The following VPS13D variants were observed in gnomAD, a reference collection of about 807,000 sequenced individuals.
VPS13D encodes vacuolar protein sorting 13 homolog D.
In VPS13D, 187 loss-of-function variants were observed where a neutral mutation model predicts 461.9. The ratio of observed to expected loss-of-function variants is 0.40; its 90% CI spans 0.36 to 0.46. The LOEUF is 0.46. VPS13D is among the 20% of genes least tolerant of loss of function. The pLI is 0.60. For missense variants in VPS13D, 4,711 were observed against 5,364.9 expected (o/e 0.88, Z 3.81); for synonymous variants, 1,951 against 1,986.3 (o/e 0.98, Z 0.47).
chr1:12,269,415 G>C (rs954807322), intron 16 of VPS13D, among the ~76,000 whole-genome samples: 3 of 152,212 alleles, frequency 2.0e-5, no homozygotes, highest in African/African-American at 7.2e-5. Flanking sequence ...TGTTCAGCCA[G>C]AATTGTAACT....
chr1:12,362,378 G>T (rs1334459453), intron 50 of VPS13D, among the ~76,000 whole-genome samples: 1 of 152,190 alleles, frequency 6.6e-6, no homozygotes, highest in Non-Finnish European at 1.5e-5. Context: ...TGAAACTGTT[G>T]TAAGTATTCA....
At chr1:12,388,815 A>G (rs1326592006) in intron 60 of VPS13D, among the ~76,000 whole-genome samples, 1 of 152,236 alleles carries the variant, frequency 6.6e-6, no homozygotes, top group Non-Finnish European at 1.5e-5. Flanking sequence ...AACACACATT[A>G]AGGATAAAGA....
chr1:12,413,716 C>T (rs1644760485), intron 63 of VPS13D, among the ~76,000 whole-genome samples: 1 of 152,118 alleles, frequency 6.6e-6, no homozygotes, highest in Non-Finnish European at 1.5e-5. Flanking sequence ...AAGCGATCCT[C>T]CCACCTCAGC....
chr1:12,430,976 T>C (rs1309421499), intron 65 of VPS13D, among the ~76,000 whole-genome samples: 1 of 152,192 alleles, frequency 6.6e-6, no homozygotes, highest in African/African-American at 2.4e-5. Context: ...CTGAGGTGCC[T>C]CAACAAATAA....
chr1:12,291,199 A>G, intron 23 of VPS13D, 75 bp downstream of exon 23: 1 of 1,520,034 alleles, frequency 6.6e-7, no homozygotes, highest in Non-Finnish European at 8.9e-7. Flanking sequence ...TTGGCTAGAC[A>G]ATAAAGAAAA....
At chr1:12,494,465 A>T (rs551386962) in intron 67 of VPS13D, among the ~76,000 whole-genome samples, 1 of 152,342 alleles carries the variant, frequency 6.6e-6, no homozygotes, top group East Asian at 1.9e-4. Context: ...GAGAAGATCA[A>T]CAAGGTGAGC....
At chr1:12,315,516 C>T (rs1642864830) in intron 30 of VPS13D, among the ~76,000 whole-genome samples, 1 of 152,216 alleles carries the variant, frequency 6.6e-6, no homozygotes, top group Non-Finnish European at 1.5e-5. Flanking sequence ...CAGTATAATC[C>T]TGACAAGTCT....
chr1:12,324,975 C>G (rs1476407380), intron 35 of VPS13D, among the ~76,000 whole-genome samples: 2 of 152,202 alleles, frequency 1.3e-5, no homozygotes, highest in African/African-American at 2.4e-5. Flanking sequence ...GTCTACCTGC[C>G]TCCTAAATCT....
chr1:12,231,505 C>T (rs1448571704), intron 1 of VPS13D, among the ~76,000 whole-genome samples: 1 of 152,154 alleles, frequency 6.6e-6, no homozygotes, highest in African/African-American at 2.4e-5. Context: ...TACAAACTGA[C>T]AGTTGTTTCC....
At chr1:12,249,135 C>A in intron 5 of VPS13D, 88 bp from the exon 6 acceptor site, 2 of 1,061,428 alleles carry the variant, frequency 1.9e-6, no homozygotes, top group Non-Finnish European at 1.4e-6. Context: ...TCACCTACAG[C>A]AGTTATCTAA....
rs1369024739 is a variant in VPS13D at position 12,333,228 on chromosome 1, T to C, written c.8290T>C (p.Trp2764Arg). 1.9e-6 allele frequency: 3 copies of C among 1,613,702 alleles called. No individual in the cohort carries two copies. Among genetic ancestry groups the C allele is most frequent in the South Asian group, 2.2e-5 (2 of 91,018 alleles). Reference protein sequence around the residue: ...GDYYNRALSGWEPFIEPWPCS... With the variant: ...GDYYNRALSGREPFIEPWPCS... ...TCTTATTTCCTGTGTTCTTTTAGGC[T>C]GGGAGCCATTTATTGAGCCTTGGCC... The change falls in exon 38 of 70, where the codon TGG becomes CGG. Residue 2764 changes from tryptophan (W) to arginine (R), a missense_variant and splice_region_variant. By Grantham distance (101) the Trp-to-Arg change is moderately radical. This residue lies in a region of VPS13D where 4,411 missense variants were observed against 4,937.8 expected (regional missense o/e 0.89). Transcript: ENST00000620676.
rs560577060 is a variant in VPS13D, at chr1:12,395,116, G to A, written c.11635-5065G>A. Among the ~76,000 whole-genome samples the A allele has an allele frequency of 2.0e-5, 3 of 152,278 alleles. No homozygotes were observed. In the South Asian group the frequency reaches 6.2e-4, roughly 32 times the overall value. The stretch of plus-strand genomic sequence containing the variant: ...CAGGGGTGTTGGGGGTGACTCCTGA[G>A]GAGAATCAACATTACTTTGCCTGGC... On this transcript the variant is annotated intron_variant, in intron 60 of 69. Coordinates refer to ENST00000620676, the MANE Select transcript of VPS13D (RefSeq NM_015378.4).
At chr1:12,356,323 T>G in intron 48 of VPS13D, 75 bp from the exon 49 acceptor site, 15 of 1,519,832 alleles carry the variant, frequency 9.9e-6, no homozygotes, top group Non-Finnish European at 1.3e-5. Flanking sequence ...CTTGATGGTT[T>G]TATTCATTCA....
chr1:12,458,519 A>G (rs1645359998), intron 66 of VPS13D, among the ~76,000 whole-genome samples: 1 of 152,092 alleles, frequency 6.6e-6, no homozygotes, highest in African/African-American at 2.4e-5. Flanking sequence ...GCAAGCGGTA[A>G]TCATGCCACT....
intron 22 of VPS13D, among the ~76,000 whole-genome samples, chr1:12,288,884 C>T (rs1250949269): frequency 2.0e-5 from 3 of 152,100 alleles, no homozygotes; most frequent in Non-Finnish European, 4.4e-5. Flanking sequence ...CTTGGTTGCC[C>T]AGGCTAGAGT....
chr1:12,276,981 C>A lies in VPS13D; in HGVS notation c.3393C>A (p.Pro1131=). Residue 1131 remains proline, a synonymous_variant, in exon 19 of 70, where the codon CCC becomes CCA. Coordinates refer to ENST00000620676, the MANE Select transcript of VPS13D (RefSeq NM_015378.4). This position sits in a 1 kb window ranked among gnomAD's most constrained non-coding sequence, Gnocchi z 4.5. ...ELIGFLQKSF[P]KEKDDLSPQP... is the part of the protein sequence containing the mutation. ...TTGGTTTTCTTCAAAAATCCTTTCC[C>A]AAGGAAAAAGATGATTTAAGTCCTC... 6.2e-7 allele frequency: 1 copy of A among 1,613,986 alleles called. No individual in the cohort carries two copies. Among genetic ancestry groups the A allele is most frequent in the South Asian group, 1.1e-5 (1 of 91,030 alleles).
chr1:12,296,402 T>C (rs906579728), intron 24 of VPS13D, among the ~76,000 whole-genome samples: 2 of 152,240 alleles, frequency 1.3e-5, no homozygotes, highest in African/African-American at 4.8e-5. Context: ...TAAAATAATT[T>C]AGATTGAGAA....
chr1:12,468,719 A>G (rs1343775911), intron 67 of VPS13D, among the ~76,000 whole-genome samples: 6 of 152,234 alleles, frequency 3.9e-5, no homozygotes, highest in Non-Finnish European at 8.8e-5. Flanking sequence ...TTGAATTAGT[A>G]AAACATTCTT....
chr1:12,304,235 C>G (rs1642500155), intron 25 of VPS13D, among the ~76,000 whole-genome samples: 1 of 152,190 alleles, frequency 6.6e-6, no homozygotes, highest in Non-Finnish European at 1.5e-5. Context: ...GCTCTTGAGC[C>G]AAAAGATGGT....
Sources: allele counts gnomAD v4.1 joint callset (sites outside exome capture counted in the v4.1 genomes callset), GRCh38; gene constraint gnomAD v4.1.1; regional missense constraint gnomAD v4.1.1; non-coding constraint Gnocchi (gnomAD v3.1); transcripts MANE v1.5; gene names NCBI Gene and HGNC (gene_info 2026-07-23, HGNC 2026-07-21).